NPSR1: variants seen among roughly 807,000 people sequenced by gnomAD.
The protein encoded by NPSR1 is neuropeptide S receptor 1.
In NPSR1, 48 loss-of-function variants were observed where a neutral mutation model predicts 46.9. That is an observed-to-expected ratio of 1.02 (90% CI 0.81 to 1.30). The LOEUF (loss-of-function observed/expected upper bound fraction) is 1.30, where lower values mean the gene tolerates loss of function less well. NPSR1 is among the 50% of genes most tolerant of loss of function. NPSR1 has a pLI of 0.00. For missense variants in NPSR1, 450 were observed against 449.5 expected, an observed-to-expected ratio of 1.00 and a Z score of -0.01; for synonymous variants, 176 against 168.1, an observed-to-expected ratio of 1.05 and a Z score of -0.36.
At position 34,696,078 on chromosome 7, in the gene NPSR1, T is replaced by TAAA. The variant is rs34574984; in HGVS notation, c.280+11412_280+11414dup. 6.0e-3 allele frequency among the ~76,000 whole-genome samples: 686 copies of TAAA among 113,848 alleles called. 10 individuals are homozygous for TAAA. Among genetic ancestry groups the TAAA allele is most frequent in the African/African-American group, 0.015 (469 of 30,642 alleles). The allele number at this position is 113,848 out of a possible 152,430, so 74.7% of individuals were successfully genotyped here. ...CAGTCTCCAGCAATGGTTGATTTGATAAAAAAAAAAAAAAAAAAAACTGCG... is the reference window on the plus strand; with the variant it reads ...CAGTCTCCAGCAATGGTTGATTTGATAAAAAAAAAAAAAAAAAAAAAAACTGCG... On this transcript the variant is annotated intron_variant, in intron 2 of 8. Transcript: ENST00000360581.
At chr7:34,796,349 T>C (rs1289650057) in intron 3 of NPSR1, among the ~76,000 whole-genome samples, 1 of 152,128 alleles carries the variant, frequency 6.6e-6, no homozygotes, top group Admixed American at 6.6e-5. Flanking sequence ...TTTATTAAAA[T>C]TAAAATTAAA....
intron 2 of NPSR1, among the ~76,000 whole-genome samples, chr7:34,692,865 T>C (rs939315433): frequency 1.3e-5 from 2 of 152,148 alleles, no homozygotes; most frequent in African/African-American, 4.8e-5. Context: ...TCAGAAATGA[T>C]AAAGATGATT....
At chr7:34,861,536 A>G (rs568026202) in intron 8 of NPSR1, among the ~76,000 whole-genome samples, 7 of 151,982 alleles carry the variant, frequency 4.6e-5, no homozygotes, top group African/African-American at 1.7e-4. Flanking sequence ...CTTATTGGCT[A>G]TGTTTATTGT....
At chr7:34,772,376 G>C (rs373484335) in intron 2 of NPSR1, among the ~76,000 whole-genome samples, 2 of 152,146 alleles carry the variant, frequency 1.3e-5, no homozygotes, top group African/African-American at 4.8e-5. Flanking sequence ...TCAGCTGTTT[G>C]ATTTTCTAAG....
intron 2 of NPSR1, among the ~76,000 whole-genome samples, chr7:34,687,385 G>C (rs1792990875): frequency 6.6e-6 from 1 of 152,124 alleles, no homozygotes; most frequent in African/African-American, 2.4e-5. Context: ...TCGAGACTGG[G>C]TAATTTATAA....
At chr7:34,714,450 C>T (rs1783461287) in intron 2 of NPSR1, among the ~76,000 whole-genome samples, 1 of 152,154 alleles carries the variant, frequency 6.6e-6, no homozygotes, top group South Asian at 2.1e-4. Flanking sequence ...ATAGAAATCC[C>T]AGTGTAAAGC....
intron 3 of NPSR1, among the ~76,000 whole-genome samples, chr7:34,807,223 G>T (rs550257763): frequency 6.6e-6 from 1 of 152,012 alleles, no homozygotes; most frequent in African/African-American, 2.4e-5. Context: ...TGTGATTTGC[G>T]TAAGTCTTAC....
chr7:34,841,745 G>A (rs905328523), intron 6 of NPSR1, among the ~76,000 whole-genome samples: 1 of 152,202 alleles, frequency 6.6e-6, no homozygotes, highest in Non-Finnish European at 1.5e-5. Flanking sequence ...TGCCCTGTGG[G>A]AAGCACTGCG....
intron 2 of NPSR1, among the ~76,000 whole-genome samples, chr7:34,744,026 C>T (rs1297267441): frequency 6.6e-6 from 1 of 152,102 alleles, no homozygotes; most frequent in Non-Finnish European, 1.5e-5. Context: ...TTAAAATCTG[C>T]TCTATCCTTG....
chr7:34,747,982 G>A (rs112372082), intron 2 of NPSR1, among the ~76,000 whole-genome samples: 1,698 of 152,270 alleles, frequency 0.011, 28 homozygotes, highest in African/African-American at 0.036. Context: ...TGTGCCTCCA[G>A]TCATGTTTAC....
intron 2 of NPSR1, chr7:34,768,548 T>C (rs990155460): frequency 1.3e-5 from 2 of 152,190 alleles, no homozygotes; most frequent in African/African-American, 4.8e-5. Context: ...GCAGTGAGAT[T>C]TATAACCCAT....
Position 34,658,517 on chromosome 7 carries a change from G to A in NPSR1, c.105G>A (p.Val35=), listed in dbSNP as rs142945101. ...CTGAAACAGTGACTTTTACTGAAGT[G>A]GTGGAAGGAAAGGAATGGGGTTCCT... ...ACTETVTFTE[V]VEGKEWGSFY... is the part of the protein sequence containing the mutation. The change falls in exon 1 of 9, where the codon GTG becomes GTA. Residue 35 remains valine (V), a synonymous_variant. Coordinates refer to ENST00000360581, the MANE Select transcript of NPSR1 (RefSeq NM_207172.2). The A allele has an allele frequency of 6.2e-7, 1 of 1,614,128 alleles. No individual in the cohort carries two copies. The highest frequency in any genetic ancestry group is 2.2e-5 in the East Asian group (1 of 44,878).
In NPSR1 at chr7:34,849,887, T is replaced by G; in HGVS notation, c.*232T>G. On this transcript the variant is annotated 3_prime_UTR_variant, in exon 9 of 9. Transcript: ENST00000360581. ...AAGGAAACGCCTTCCTTCCCCACCA[T>G]TCCCAGCCCTCCTTCCCACTGGCCA... 2.0e-5 allele frequency: 25 copies of G among 1,267,502 alleles called. No homozygotes were observed. The highest frequency in any genetic ancestry group is 1.5e-4 in the East Asian group (4 of 27,174). 78.5% of individuals were successfully genotyped at this position (1,267,502 alleles called of 1,614,324 possible). A position where few individuals can be genotyped will look rare whatever the true frequency, so the allele number is the denominator to read the frequency against.
chr7:34,693,582 C>G (rs1263639324), intron 2 of NPSR1, among the ~76,000 whole-genome samples: 1 of 152,100 alleles, frequency 6.6e-6, no homozygotes, highest in South Asian at 2.1e-4. Flanking sequence ...AAGCTGGTAC[C>G]AATCTTACTG....
At chr7:34,755,257 AT>A (rs1785769188) in intron 2 of NPSR1, among the ~76,000 whole-genome samples, 1 of 152,158 alleles carries the variant, frequency 6.6e-6, no homozygotes. Context: ...CCTCACCAAC[AT>A]TTGTTGTTTG....
chr7:34,750,561 C>T, intron 2 of NPSR1: 1 of 697,074 alleles, frequency 1.4e-6, no homozygotes, highest in Non-Finnish European at 2.7e-6. Context: ...TCCTCAATCC[C>T]ATCCAAACCT....
chr7:34,804,994 T>G (rs1309139601), intron 3 of NPSR1, among the ~76,000 whole-genome samples: 3 of 151,460 alleles, frequency 2.0e-5, no homozygotes, highest in African/African-American at 7.3e-5. Context: ...ATATACAAGA[T>G]CTATTGAAGA....
intron 3 of NPSR1, among the ~76,000 whole-genome samples, chr7:34,796,910 C>T (rs1788199024): frequency 6.6e-6 from 1 of 152,146 alleles, no homozygotes; most frequent in Non-Finnish European, 1.5e-5. Flanking sequence ...ATTTTCCAAA[C>T]TTGGAAGCAA....
At chr7:34,863,888 G>A (rs1334910176) in intron 8 of NPSR1, among the ~76,000 whole-genome samples, 1 of 151,600 alleles carries the variant, frequency 6.6e-6, no homozygotes, top group Admixed American at 6.6e-5. Context: ...TATACCCAAA[G>A]GATTATAAAT....
Sources: gnomAD v4.1 joint callset for allele counts (sites outside exome capture counted in the v4.1 genomes callset) on GRCh38, gnomAD v4.1.1 for gene constraint, MANE v1.5 for transcripts, NCBI Gene and HGNC (gene_info 2026-07-23, HGNC 2026-07-21) for gene names.